The following ANKS1B variants were observed in gnomAD, a reference collection of about 807,000 sequenced individuals.
ANKS1B encodes the protein ankyrin repeat and sterile alpha motif domain containing 1B.
ANKS1B carries 36 observed loss-of-function variants against 148.3 expected under a neutral mutation model. The ratio of observed to expected loss-of-function variants is 0.24; its 90% confidence interval spans 0.19 to 0.32. The LOEUF is 0.32. Ranked by LOEUF, ANKS1B falls within the 10% of genes least tolerant of loss-of-function variation. The pLI is 1.00. For synonymous variants in ANKS1B, 542 were observed against 560.8 expected (o/e 0.97, Z 0.47); for missense variants, 1,157 against 1,542.6 (o/e 0.75, Z 4.19).
At chr12:99,070,767 G>T (rs2046005106) in intron 16 of ANKS1B, among the ~76,000 whole-genome samples, 1 of 152,092 alleles carries the variant, frequency 6.6e-6, no homozygotes, top group South Asian at 2.1e-4. Flanking sequence ...CTCTCTAACT[G>T]CTGAGCTTAA....
chr12:98,778,359 C>T (rs1354255293), intron 24 of ANKS1B, among the ~76,000 whole-genome samples: 3 of 152,096 alleles, frequency 2.0e-5, no homozygotes, highest in Non-Finnish European at 4.4e-5. Context: ...ACCTGTAATC[C>T]CAGCTACTCG....
intron 9 of ANKS1B, among the ~76,000 whole-genome samples, chr12:99,557,409 T>C (rs2097289191): frequency 6.6e-6 from 1 of 152,192 alleles, no homozygotes; most frequent in Non-Finnish European, 1.5e-5. Context: ...AGAGTACCAG[T>C]ATTTGAGCTC....
intron 1 of ANKS1B, among the ~76,000 whole-genome samples, chr12:99,852,623 CG>C (rs2088119431): frequency 6.6e-6 from 1 of 152,122 alleles, no homozygotes; most frequent in Non-Finnish European, 1.5e-5. Context: ...AGCTCCCACT[CG>C]GATGTACAGA....
At chr12:99,383,565 C>A (rs1252730548) in intron 12 of ANKS1B, among the ~76,000 whole-genome samples, 1 of 152,146 alleles carries the variant, frequency 6.6e-6, no homozygotes, top group East Asian at 1.9e-4. Flanking sequence ...CCTTTGTGAC[C>A]ACATAATTCC....
At chr12:98,864,695 T>C (rs1282558786) in intron 17 of ANKS1B, among the ~76,000 whole-genome samples, 1 of 152,210 alleles carries the variant, frequency 6.6e-6, no homozygotes, top group East Asian at 1.9e-4. Context: ...TCTATGTATG[T>C]ATACTTACAT....
chr12:98,906,663 A>C (rs1483715358), intron 17 of ANKS1B, among the ~76,000 whole-genome samples: 1 of 152,190 alleles, frequency 6.6e-6, no homozygotes, highest in Non-Finnish European at 1.5e-5. Context: ...TCCCTGATTG[A>C]AAAACAAAAG....
intron 1 of ANKS1B, among the ~76,000 whole-genome samples, chr12:99,825,815 T>C (rs773400208): frequency 1.7e-4 from 26 of 152,204 alleles, no homozygotes; most frequent in Non-Finnish European, 2.8e-4. Flanking sequence ...AGTTATAAGA[T>C]ATTTTTGCAT....
chr12:98,898,643 A>AT (rs1008329793), intron 17 of ANKS1B, among the ~76,000 whole-genome samples: 10 of 152,112 alleles, frequency 6.6e-5, no homozygotes, highest in Non-Finnish European at 1.5e-4. Flanking sequence ...CAGTAATTTC[A>AT]TTTTTTTGCT....
chr12:99,752,123 C>A (rs2061160899), intron 8 of ANKS1B, among the ~76,000 whole-genome samples: 1 of 151,960 alleles, frequency 6.6e-6, no homozygotes, highest in Non-Finnish European at 1.5e-5. Context: ...TTGTTATTAT[C>A]ACACTTTTTC....
chr12:99,317,621 T>C lies in ANKS1B; in HGVS notation c.1757-70757A>G, dbSNP rs146146018. Among the ~76,000 whole-genome samples, 219 of 152,344 alleles carry C rather than the reference T, an allele frequency of 1.4e-3. 5 individuals carry two copies. In the East Asian group the frequency reaches 0.039, roughly 27 times the overall value. On this transcript the variant is annotated intron_variant, in intron 12 of 26. Coordinates refer to ENST00000683438, the MANE Select transcript of ANKS1B (RefSeq NM_001352186.2). ...ATGGCATCTGCAAACAGGGGCAATA[T>C]GACTTCCTCTTTTCCTAATTGAATA...
At chr12:99,572,628 A>T (rs1256231287) in intron 9 of ANKS1B, among the ~76,000 whole-genome samples, 2 of 152,150 alleles carry the variant, frequency 1.3e-5, no homozygotes, top group Non-Finnish European at 2.9e-5. Flanking sequence ...GCTATTCAGC[A>T]GGGAAACTAC....
intron 4 of ANKS1B, among the ~76,000 whole-genome samples, chr12:99,786,424 C>T (rs542819079): frequency 3.3e-5 from 5 of 152,042 alleles, no homozygotes; most frequent in Non-Finnish European, 7.4e-5. Flanking sequence ...GAAGTCTAAG[C>T]AAGCTGAAAG....
chr12:99,244,255 AAATGC>A, intron 14 of ANKS1B, 82 bp downstream of exon 14: 1 of 888,126 alleles, frequency 1.1e-6, no homozygotes, highest in Non-Finnish European at 1.7e-6. Flanking sequence ...ATAATGAAAA[AAATGC>A]AATTATCTAA....
chr12:98,966,945 G>A (rs969048749), intron 17 of ANKS1B, among the ~76,000 whole-genome samples: 2 of 151,854 alleles, frequency 1.3e-5, no homozygotes, highest in African/African-American at 2.4e-5. Flanking sequence ...TGTAAATGAC[G>A]AGTAAATGGG....
At chr12:99,290,285 G>GAAA (rs796594786) in intron 12 of ANKS1B, among the ~76,000 whole-genome samples, 22 of 88,940 alleles carry the variant, frequency 2.5e-4, no homozygotes, top group African/African-American at 7.2e-4. Flanking sequence ...AAGTCTCCCA[G>GAAA]AAAAAAAAAA....
At chr12:99,354,729 A>G (rs1156751659) in intron 12 of ANKS1B, among the ~76,000 whole-genome samples, 2 of 152,080 alleles carry the variant, frequency 1.3e-5, no homozygotes, top group Admixed American at 6.6e-5. Flanking sequence ...TAGGTTGCAA[A>G]ATCAATTGCA....
intron 4 of ANKS1B, among the ~76,000 whole-genome samples, chr12:99,803,853 A>G (rs562991165): frequency 2.0e-5 from 3 of 152,254 alleles, no homozygotes; most frequent in South Asian, 2.1e-4. Flanking sequence ...CTTAAAATCC[A>G]TATTTTCCTC....
At chr12:99,612,581 C>A (rs1048739778) in intron 9 of ANKS1B, among the ~76,000 whole-genome samples, 3 of 152,048 alleles carry the variant, frequency 2.0e-5, no homozygotes, top group Non-Finnish European at 4.4e-5. Context: ...TTACTAAATG[C>A]CAAGCACCAT....
At chr12:99,767,971 C>T (rs1169331822) in intron 8 of ANKS1B, among the ~76,000 whole-genome samples, 1 of 152,002 alleles carries the variant, frequency 6.6e-6, no homozygotes, top group Non-Finnish European at 1.5e-5. Flanking sequence ...CATAAGATGG[C>T]TGGTTTTGTA....
Sources: allele counts gnomAD v4.1 joint callset (sites outside exome capture counted in the v4.1 genomes callset), GRCh38; gene constraint gnomAD v4.1.1; transcripts MANE v1.5; gene names NCBI Gene and HGNC (gene_info 2026-07-23, HGNC 2026-07-21).